The following UBXN8 variants were observed in gnomAD, a reference collection of about 807,000 sequenced individuals.
UBXN8 encodes UBX domain protein 8.
UBXN8 carries 27 observed loss-of-function variants against 32.1 expected under a neutral mutation model. The observed-to-expected ratio is 0.84, with a 90% CI of 0.62 to 1.16. UBXN8 has a LOEUF of 1.16. Among genes scored for constraint, UBXN8 ranks in the 50% most tolerant of loss-of-function variants. The probability of loss-of-function intolerance (pLI) is 0.00; values close to 1 mark genes in which losing one functional copy is unlikely to be tolerated. For missense variants in UBXN8, 306 were observed against 311.4 expected (o/e 0.98, Z 0.13); for synonymous variants, 109 against 111.8 (o/e 0.98, Z 0.16).
upstream of UBXN8, among the ~76,000 whole-genome samples, chr8:30,739,932 C>T (rs1586087431): frequency 6.6e-6 from 1 of 152,174 alleles, no homozygotes; most frequent in African/African-American, 2.4e-5. Flanking sequence ...GACATGGTCT[C>T]TCTCTGTCGC....
At chr8:30,761,667 A>C (rs1465484093) in intron 6 of UBXN8, among the ~76,000 whole-genome samples, 1 of 152,144 alleles carries the variant, frequency 6.6e-6, no homozygotes, top group Non-Finnish European at 1.5e-5. Flanking sequence ...CAGCTTAGGA[A>C]TTCAAGACCA....
intron 7 of UBXN8, among the ~76,000 whole-genome samples, chr8:30,765,612 G>C (rs1297648798): frequency 6.6e-6 from 1 of 151,658 alleles, no homozygotes; most frequent in Non-Finnish European, 1.5e-5. Flanking sequence ...GGAGTGCGGT[G>C]GTGGGATCTC....
At chr8:30,742,757 C>T (rs1805240115), upstream of UBXN8, among the ~76,000 whole-genome samples, 1 of 152,180 alleles carries the variant, frequency 6.6e-6, no homozygotes, top group Non-Finnish European at 1.5e-5. Context: ...TTGAACACAA[C>T]GTAGGCGTGA....
At chr8:30,731,562 C>T (rs1273436234), upstream of UBXN8, among the ~76,000 whole-genome samples, 2 of 152,108 alleles carry the variant, frequency 1.3e-5, no homozygotes, top group African/African-American at 2.4e-5. Flanking sequence ...TTACCCGGAA[C>T]GGGAGTCATT....
chr8:30,763,418 G>GTT (rs1805915662), intron 7 of UBXN8, 71 bp downstream of exon 7: 3 of 1,431,414 alleles, frequency 2.1e-6, no homozygotes, highest in Non-Finnish European at 2.9e-6. Context: ...ACATGCCGTG[G>GTT]GGGAAGGTGT....
chr8:30,729,408 G>A (rs1050933010), upstream of UBXN8, among the ~76,000 whole-genome samples: 7 of 152,218 alleles, frequency 4.6e-5, no homozygotes, highest in African/African-American at 1.4e-4. Context: ...GATCACCCAC[G>A]GCGTGCCTGT....
Position 30,753,038 on chromosome 8 carries a change from AAG to A in UBXN8, c.217_218del (p.Glu73ArgfsTer4). ...CTTTTATGTTTTGATGTCTTAGAAG[AAG>A]AAGAAAAGAATGAGAAAAGACAAAA... On this transcript the variant is annotated frameshift_variant, in exon 3 of 8. Coordinates refer to ENST00000265616, the MANE Select transcript of UBXN8 (RefSeq NM_005671.4). LOFTEE classifies it high-confidence loss of function. The A allele has an allele frequency of 6.6e-7, 1 of 1,525,002 alleles. No homozygotes were observed. Among genetic ancestry groups the A allele is most frequent in the East Asian group, 2.5e-5 (1 of 40,498 alleles). The allele number at this position is 1,525,002 out of a possible 1,614,324, so 94.5% of individuals were successfully genotyped here.
upstream of UBXN8, chr8:30,744,029 C>A: frequency 1.5e-6 from 1 of 657,184 alleles, no homozygotes; most frequent in Non-Finnish European, 2.6e-6. Context: ...AACTTTAAAA[C>A]ACGGGGCTTA....
In UBXN8 at chr8:30,751,455, T is replaced by C. The variant is rs371548176; in HGVS notation, c.148T>C (p.Leu50=). ...TTTGCTACTGCTTGCTCTTCTTACT[T>C]TAACTATTTCTGTGACTACCTCATG... ...RILLLLALLT[L]TISVTTSWLN... is the part of the protein sequence containing the mutation. The change falls in exon 2 of 8, where the codon TTA becomes CTA. Residue 50 remains leucine, a synonymous_variant. Transcript: ENST00000265616. 40 of 1,610,312 alleles carry C rather than the reference T, an allele frequency of 2.5e-5. No individual in the cohort carries two copies. The highest frequency in any genetic ancestry group is 3.1e-5 in the Non-Finnish European group (36 of 1,177,942).
chr8:30,754,227 G>T (rs1805588948), intron 3 of UBXN8: 1 of 308,246 alleles, frequency 3.2e-6, no homozygotes. Flanking sequence ...GTGACAGAGT[G>T]AGACTCCATC....
At chr8:30,757,027 C>T in intron 5 of UBXN8, 140 bp downstream of exon 5, 1 of 1,333,114 alleles carries the variant, frequency 7.5e-7, no homozygotes, top group Non-Finnish European at 1.0e-6. Context: ...ACAAAGCAAT[C>T]ACCCCAGAAT....
chr8:30,752,517 A>C (rs1805543600), intron 2 of UBXN8, among the ~76,000 whole-genome samples: 2 of 152,180 alleles, frequency 1.3e-5, no homozygotes, highest in Admixed American at 1.3e-4. Flanking sequence ...GGATTTCGCC[A>C]TGTTGCCCAG....
rs776334073 is a variant in UBXN8 at position 30,753,138 on chromosome 8, G to A, written c.282+33G>A. On this transcript the variant is annotated intron_variant, in intron 3 of 7. Coordinates refer to ENST00000265616, the MANE Select transcript of UBXN8 (RefSeq NM_005671.4). ...AGAATTTTTAGAGACTTTATGCGTA[G>A]AGAAATACAAAAATCTCTGAGGCAA... 1.0e-5 allele frequency: 15 copies of A among 1,455,862 alleles called. No homozygotes were observed. In the East Asian group the frequency reaches 3.1e-4, roughly 30 times the overall value. The allele number at this position is 1,455,862 out of a possible 1,614,324, so 90.2% of individuals were successfully genotyped here.
At chr8:30,735,623 G>C (rs948780162) in intron 1 of UBXN8, among the ~76,000 whole-genome samples, 1 of 152,188 alleles carries the variant, frequency 6.6e-6, no homozygotes, top group Non-Finnish European at 1.5e-5. Context: ...TGGATCACTT[G>C]AAGTCAGGAA....
At chr8:30,757,262 A>G (rs1325138884) in intron 5 of UBXN8, among the ~76,000 whole-genome samples, 1 of 152,150 alleles carries the variant, frequency 6.6e-6, no homozygotes, top group Non-Finnish European at 1.5e-5. Flanking sequence ...AAAATACTCA[A>G]TTCTTAGCCA....
chr8:30,755,083 G>A (rs1805620936), intron 4 of UBXN8, among the ~76,000 whole-genome samples: 1 of 151,328 alleles, frequency 6.6e-6, no homozygotes, highest in South Asian at 2.1e-4. Flanking sequence ...AGCCTCCCGA[G>A]TAGCTGGGAC....
At chr8:30,751,867 TAC>T (rs1200299190) in intron 2 of UBXN8, among the ~76,000 whole-genome samples, 2 of 151,980 alleles carry the variant, frequency 1.3e-5, no homozygotes, top group Non-Finnish European at 2.9e-5. Context: ...TGAGCTGTTC[TAC>T]AGAGTCAATG....
At chr8:30,759,906 A>G (rs13256951) in intron 5 of UBXN8, among the ~76,000 whole-genome samples, 149,111 of 150,952 alleles carry the variant, frequency 0.99, 73,686 homozygotes, top group Middle Eastern at 1. Flanking sequence ...GCAGTGAGCC[A>G]AGATCGCGCC....
chr8:30,732,547 A>T, upstream of UBXN8: 1 of 308,992 alleles, frequency 3.2e-6, no homozygotes, highest in Non-Finnish European at 5.9e-6. Flanking sequence ...AAGCCTTTGT[A>T]TGAGGTCACA....
Sources: gnomAD v4.1 joint callset for allele counts (sites outside exome capture counted in the v4.1 genomes callset) on GRCh38, gnomAD v4.1.1 for gene constraint, MANE v1.5 for transcripts, NCBI Gene and HGNC (gene_info 2026-07-23, HGNC 2026-07-21) for gene names.